The following ZEB1 variants were observed in gnomAD, a reference collection of about 807,000 sequenced individuals.
ZEB1 encodes zinc finger E-box binding homeobox 1.
ZEB1 carries 21 observed loss-of-function variants against 84.9 expected under a neutral mutation model. The ratio of observed to expected loss-of-function variants is 0.25; its 90% CI spans 0.18 to 0.36. The LOEUF is 0.36. Among genes scored for constraint, ZEB1 ranks in the 10% least tolerant of loss-of-function variants. The pLI is 1.00. For missense variants in ZEB1, 1,104 were observed against 1,330.2 expected, an observed-to-expected ratio of 0.83 and a Z score of 2.65; for synonymous variants, 420 against 471.1, an observed-to-expected ratio of 0.89 and a Z score of 1.41.
chr10:31,518,071 T>C (rs1432127233), intron 6 of ZEB1, among the ~76,000 whole-genome samples: 2 of 152,178 alleles, frequency 1.3e-5, no homozygotes, highest in Admixed American at 6.6e-5. Flanking sequence ...TTCTAGCGTC[T>C]CTAGAAGGAA....
Position 31,420,490 on chromosome 10 carries a change from TAGAG to T in ZEB1, c.59-40542_59-40539del, listed in dbSNP as rs376443132. Among the ~76,000 whole-genome samples the T allele has an allele frequency of 1.9e-4, 29 of 152,272 alleles. No homozygotes were observed. The East Asian group carries it at 4.6e-3, about 24-fold the overall frequency. ...CTTCACCTTTTCACAAGTGGCAGAATAGAGAGAGTTTACTGCTTTGCCTCTCTGA... is the reference window on the plus strand; with the variant it reads ...CTTCACCTTTTCACAAGTGGCAGAATAGAGTTTACTGCTTTGCCTCTCTGA... On this transcript the variant is annotated intron_variant, in intron 1 of 8. Coordinates refer to ENST00000424869, the MANE Select transcript of ZEB1 (RefSeq NM_001174096.2).
chr10:31,495,879 A>G (rs769659228), intron 3 of ZEB1, 41 bp downstream of exon 3: 2 of 1,609,006 alleles, frequency 1.2e-6, no homozygotes, highest in East Asian at 4.5e-5. Flanking sequence ...AGCCTTTAAA[A>G]GAAGGTCTTT....
At chr10:31,326,260 G>A (rs2035472796) in intron 1 of ZEB1, among the ~76,000 whole-genome samples, 1 of 151,920 alleles carries the variant, frequency 6.6e-6, no homozygotes, top group South Asian at 2.1e-4. Context: ...CTGGGCTCAG[G>A]GTAACCTTGC....
intron 1 of ZEB1, among the ~76,000 whole-genome samples, chr10:31,324,258 A>G (rs1415972936): frequency 6.6e-6 from 1 of 152,006 alleles, no homozygotes; most frequent in Non-Finnish European, 1.5e-5. Context: ...TCTAGTCTCT[A>G]GTATGTTTGA....
chr10:31,350,142 TCA>T (rs2041064183), intron 1 of ZEB1, among the ~76,000 whole-genome samples: 2 of 152,232 alleles, frequency 1.3e-5, no homozygotes, highest in South Asian at 4.1e-4. Context: ...ATGGGGACAT[TCA>T]GTTTTCCCAA....
chr10:31,439,458 G>A (rs2058657582), intron 1 of ZEB1, among the ~76,000 whole-genome samples: 1 of 152,000 alleles, frequency 6.6e-6, no homozygotes, highest in Non-Finnish European at 1.5e-5. Flanking sequence ...AGGCGTTACT[G>A]GGACTTTTTT....
intron 2 of ZEB1, among the ~76,000 whole-genome samples, chr10:31,470,955 G>C (rs1205804413): frequency 7.4e-6 from 1 of 135,452 alleles, no homozygotes; most frequent in Non-Finnish European, 1.6e-5. Context: ...TTCATATCCA[G>C]CCAAACTAAG....
chr10:31,502,621 TTATTA>T, intron 4 of ZEB1, 112 bp downstream of exon 4: 1 of 1,293,348 alleles, frequency 7.7e-7, no homozygotes, highest in African/African-American at 1.5e-5. Context: ...AGACCAAACT[TTATTA>T]CAGGTGCCTA....
intron 1 of ZEB1, among the ~76,000 whole-genome samples, chr10:31,339,841 G>A (rs1425180386): frequency 6.6e-6 from 1 of 151,708 alleles, no homozygotes; most frequent in Non-Finnish European, 1.5e-5. Flanking sequence ...GATAATTTGG[G>A]ATGTTCACAG....
intron 1 of ZEB1, among the ~76,000 whole-genome samples, chr10:31,421,725 T>A (rs1462800779): frequency 6.6e-6 from 1 of 152,178 alleles, no homozygotes; most frequent in African/African-American, 2.4e-5. Flanking sequence ...CTTTGTTCTC[T>A]ACCTGGATTG....
chr10:31,466,537 G>T (rs1591568524), intron 2 of ZEB1, among the ~76,000 whole-genome samples: 2 of 152,008 alleles, frequency 1.3e-5, no homozygotes, highest in Non-Finnish European at 2.9e-5. Context: ...AAATGAAAGG[G>T]GAAGTAAAAA....
intron 1 of ZEB1, among the ~76,000 whole-genome samples, chr10:31,435,735 A>T (rs1336313715): frequency 3.3e-5 from 5 of 152,200 alleles, no homozygotes; most frequent in African/African-American, 1.2e-4. Context: ...CAGGCCCAAA[A>T]ATGTGGAGCC....
intron 2 of ZEB1, 40 bp from the exon 3 acceptor site, chr10:31,495,736 G>A (rs769860639): frequency 2.5e-6 from 4 of 1,606,276 alleles, no homozygotes; most frequent in Non-Finnish European, 8.5e-7. Flanking sequence ...TTTGTATTAG[G>A]AACACTATAG....
At chr10:31,524,202 C>CTTTTTT (rs59206948) in intron 8 of ZEB1, 89 bp downstream of exon 8, 1 of 913,678 alleles carries the variant, frequency 1.1e-6, no homozygotes, top group Non-Finnish European at 1.5e-6. Context: ...AATTTTCTTT[C>CTTTTTT]TTTTTTTTTT....
intron 3 of ZEB1, among the ~76,000 whole-genome samples, chr10:31,501,461 G>A (rs190645906): frequency 2.5e-4 from 38 of 152,294 alleles, no homozygotes; most frequent in Admixed American, 7.8e-4. Flanking sequence ...GAATACTAGC[G>A]TAGCTAAGAA....
intron 1 of ZEB1, among the ~76,000 whole-genome samples, chr10:31,379,767 A>G (rs1326638593): frequency 6.6e-6 from 1 of 151,884 alleles, no homozygotes; most frequent in Non-Finnish European, 1.5e-5. Flanking sequence ...AAGAGAGACT[A>G]GTGTAATAAA....
chr10:31,457,541 C>CATA (rs947734689), intron 1 of ZEB1, among the ~76,000 whole-genome samples: 2 of 151,966 alleles, frequency 1.3e-5, no homozygotes, highest in African/African-American at 2.4e-5. Context: ...TTTTATGACA[C>CATA]ATATCAAACA....
At chr10:31,429,518 C>T (rs1231863784) in intron 1 of ZEB1, among the ~76,000 whole-genome samples, 1 of 151,910 alleles carries the variant, frequency 6.6e-6, no homozygotes, top group Non-Finnish European at 1.5e-5. Context: ...GAACAACAGA[C>T]ACTGGGGCTT....
rs189259811 is a variant in ZEB1, at chr10:31,424,844, A to G, written c.59-36193A>G. On this transcript the variant is annotated intron_variant, in intron 1 of 8. Transcript: ENST00000424869. ...CCAAATCTTGATATTTTATTGCCTT[A>G]TTTTACATTTTCAGCTTAATCAACA... Among the ~76,000 whole-genome samples the G allele has an allele frequency of 3.9e-4, 60 of 152,032 alleles. 2 individuals are homozygous for G. Among genetic ancestry groups the G allele is most frequent in the East Asian group, 2.3e-3 (12 of 5,188 alleles).
Sources: gnomAD v4.1 joint callset for allele counts (sites outside exome capture counted in the v4.1 genomes callset) on GRCh38, gnomAD v4.1.1 for gene constraint, MANE v1.5 for transcripts, NCBI Gene and HGNC (gene_info 2026-07-23, HGNC 2026-07-21) for gene names.